Variants in RNF220 observed in about 807,000 individuals in gnomAD.
The protein encoded by RNF220 is ring finger protein 220.
A neutral mutation model predicts 67.1 loss-of-function variants in RNF220; 7 were observed. The ratio of observed to expected loss-of-function variants is 0.10; its 90% CI spans 0.06 to 0.20. RNF220 has a LOEUF of 0.20. RNF220 is among the 10% of genes least tolerant of loss of function. RNF220 has a pLI of 1.00. For synonymous variants in RNF220, 270 were observed against 283.2 expected, an observed-to-expected ratio of 0.95 and a Z score of 0.47; for missense variants, 565 against 740.3, an observed-to-expected ratio of 0.76 and a Z score of 2.75.
rs115595030 is a variant in RNF220 at position 44,510,994 on chromosome 1, G to T, written c.625+98272G>T. Among the ~76,000 whole-genome samples, 160 of 152,346 alleles carry T rather than the reference G, an allele frequency of 1.1e-3. 1 individual carries two copies. Among genetic ancestry groups the T allele is most frequent in the African/African-American group, 3.6e-3 (150 of 41,582 alleles). On this transcript the variant is annotated intron_variant, in intron 2 of 14. Transcript: ENST00000361799. Reference sequence around the variant, plus strand: ...ATGGAGGCCAGTTGGCCTGAATGGTGCAGAGAACACTCTCGCAGTGGGGGG... The same window carrying T: ...ATGGAGGCCAGTTGGCCTGAATGGTTCAGAGAACACTCTCGCAGTGGGGGG...
chr1:44,648,089 C>CT (rs1461000588), intron 12 of RNF220, among the ~76,000 whole-genome samples: 1 of 152,212 alleles, frequency 6.6e-6, no homozygotes, highest in Admixed American at 6.5e-5. Flanking sequence ...CTCTTGGCCT[C>CT]TGTTTCTGCT....
rs1656195907 is a variant in RNF220, at chr1:44,485,381, GGAGAGACAGT to G, written c.625+72661_625+72670del. ...GGAGGTCTCCCGGGATTGTTCCTAT[GGAGAGACAGT>G]GGTTGTGTAAGAATGAGAAAACAGT... On this transcript the variant is annotated intron_variant, in intron 2 of 14. Coordinates refer to ENST00000361799, the MANE Select transcript of RNF220 (RefSeq NM_018150.4). Among the ~76,000 whole-genome samples, 10 of 152,306 alleles carry G rather than the reference GGAGAGACAGT, an allele frequency of 6.6e-5. No homozygotes were observed. The South Asian group carries it at 2.1e-3, about 32-fold the overall frequency.
At chr1:44,644,944 C>T (rs530667608) in intron 9 of RNF220, 51 bp from the exon 10 acceptor site, 2 of 1,600,550 alleles carry the variant, frequency 1.2e-6, no homozygotes, top group East Asian at 2.2e-5. Context: ...AGGATTCAAC[C>T]CTCATAGCCT....
intron 2 of RNF220, chr1:44,419,920 C>G (rs1252965227): frequency 6.6e-6 from 1 of 152,154 alleles, no homozygotes; most frequent in Non-Finnish European, 1.5e-5. Context: ...AAGATTGGAG[C>G]CTATCCCCTT....
intron 2 of RNF220, among the ~76,000 whole-genome samples, chr1:44,486,473 C>G (rs1462952696): frequency 6.6e-6 from 1 of 151,612 alleles, no homozygotes; most frequent in African/African-American, 2.4e-5. Flanking sequence ...TTTTCTTCTT[C>G]TTTTCTCTCT....
At chr1:44,643,664 A>G (rs1469107500) in intron 8 of RNF220, 1 of 152,228 alleles carries the variant, frequency 6.6e-6, no homozygotes, top group Non-Finnish European at 1.5e-5. Flanking sequence ...TCAGGCAGAT[A>G]CTAAGCTGCT....
Position 44,650,558 on chromosome 1 carries a change from A to G in RNF220, c.1630-146A>G. ...AGGAGCGTGCCTGCCTGCTCACAGA[A>G]GCTGCCTATGCGTCCCCAGCCTGGG... On this transcript the variant is annotated intron_variant, in intron 14 of 14. Coordinates refer to ENST00000361799, the MANE Select transcript of RNF220 (RefSeq NM_018150.4). The surrounding 1 kb of genome is among the most constrained non-coding windows in gnomAD (Gnocchi z 4.3). 1 of 782,082 alleles carries G rather than the reference A, an allele frequency of 1.3e-6. No individual in the cohort carries two copies. Among genetic ancestry groups the G allele is most frequent in the African/African-American group, 1.7e-5 (1 of 58,642 alleles). The allele number at this position is 782,082 out of a possible 1,614,324, so 48.4% of individuals were successfully genotyped here. A position where few individuals can be genotyped will look rare whatever the true frequency, so the allele number is the denominator to read the frequency against.
At chr1:44,580,030 C>CAAAAAAAA (rs61499825) in intron 2 of RNF220, among the ~76,000 whole-genome samples, 45 of 65,238 alleles carry the variant, frequency 6.9e-4, no homozygotes, top group Admixed American at 1.8e-3. Flanking sequence ...CCCTGTCTCA[C>CAAAAAAAA]AAAAAAAAAA....
chr1:44,628,941 C>T (rs1644035021), intron 5 of RNF220, among the ~76,000 whole-genome samples: 1 of 152,252 alleles, frequency 6.6e-6, no homozygotes, highest in Admixed American at 6.5e-5. Flanking sequence ...TATCTACAAA[C>T]CATCCCAAAA....
At position 44,436,728 on chromosome 1, in the gene RNF220, T is replaced by C. The variant is rs150207174; in HGVS notation, c.625+24006T>C. On this transcript the variant is annotated intron_variant, in intron 2 of 14. Coordinates refer to ENST00000361799, the MANE Select transcript of RNF220 (RefSeq NM_018150.4). ...GATGAGATGCGTGCAAATGAACAGATTAAATTCTCTCCTGAGGATTAGATT... is the reference window on the plus strand; with the variant it reads ...GATGAGATGCGTGCAAATGAACAGACTAAATTCTCTCCTGAGGATTAGATT... Among the ~76,000 whole-genome samples, 953 of 152,262 alleles carry C rather than the reference T, an allele frequency of 6.3e-3. 11 individuals are homozygous for C. Among genetic ancestry groups the C allele is most frequent in the African/African-American group, 0.021 (890 of 41,544 alleles).
chr1:44,607,969 G>C (rs952526958), intron 2 of RNF220, among the ~76,000 whole-genome samples: 1 of 149,914 alleles, frequency 6.7e-6, no homozygotes, highest in Non-Finnish European at 1.5e-5. Flanking sequence ...TGTAGGCCAG[G>C]CTGGAGTGCA....
At chr1:44,569,301 A>G (rs560348911) in intron 2 of RNF220, among the ~76,000 whole-genome samples, 9 of 152,314 alleles carry the variant, frequency 5.9e-5, no homozygotes, top group African/African-American at 2.2e-4. Flanking sequence ...CGCCTCATTC[A>G]TAATTTATAC....
At chr1:44,433,677 A>G (rs1323954034) in intron 2 of RNF220, among the ~76,000 whole-genome samples, 3 of 152,254 alleles carry the variant, frequency 2.0e-5, no homozygotes, top group African/African-American at 7.2e-5. Flanking sequence ...ATCTTTAAAA[A>G]TAAAACATAA....
intron 2 of RNF220, among the ~76,000 whole-genome samples, chr1:44,536,474 A>C (rs572381380): frequency 4.6e-5 from 7 of 152,290 alleles, no homozygotes; most frequent in Middle Eastern, 3.4e-3. Context: ...AGGCCTTTAT[A>C]CTTGGAGGTT....
chr1:44,450,321 T>C (rs571675142), intron 2 of RNF220, among the ~76,000 whole-genome samples: 1 of 152,180 alleles, frequency 6.6e-6, no homozygotes, highest in Admixed American at 6.5e-5. Flanking sequence ...GTTTTTTTAA[T>C]TGGTTTTGAA....
chr1:44,582,765 A>AG (rs1182273012), intron 2 of RNF220, among the ~76,000 whole-genome samples: 2 of 145,608 alleles, frequency 1.4e-5, no homozygotes, highest in African/African-American at 5.2e-5. Flanking sequence ...TCAAAAAAAA[A>AG]AAAAAAAAGG....
At chr1:44,564,992 T>C (rs540585567) in intron 2 of RNF220, among the ~76,000 whole-genome samples, 1 of 151,284 alleles carries the variant, frequency 6.6e-6, no homozygotes, top group African/African-American at 2.4e-5. Context: ...CTTTATCCCC[T>C]GCACATAGCA....
At chr1:44,596,511 C>T (rs549951432) in intron 2 of RNF220, among the ~76,000 whole-genome samples, 1 of 152,000 alleles carries the variant, frequency 6.6e-6, no homozygotes, top group African/African-American at 2.4e-5. Context: ...GCAGTGAGCC[C>T]TCGTGCCATT....
At chr1:44,541,134 A>G (rs1280438792) in intron 2 of RNF220, among the ~76,000 whole-genome samples, 1 of 152,218 alleles carries the variant, frequency 6.6e-6, no homozygotes, top group African/African-American at 2.4e-5. Context: ...TTCCAAAGTC[A>G]GACAGCTAGT....
Sources: allele counts gnomAD v4.1 joint callset (sites outside exome capture counted in the v4.1 genomes callset), GRCh38; gene constraint gnomAD v4.1.1; non-coding constraint Gnocchi (gnomAD v3.1); transcripts MANE v1.5; gene names NCBI Gene and HGNC (gene_info 2026-07-23, HGNC 2026-07-21).